Variants in PRMT8 observed in about 807,000 individuals in gnomAD.
PRMT8 encodes protein arginine N-methyltransferase 8.
In PRMT8, 7 loss-of-function variants were observed where a neutral mutation model predicts 47.1. The observed-to-expected ratio is 0.15, with a 90% CI of 0.08 to 0.28. PRMT8 has a LOEUF of 0.28. PRMT8 is among the 10% of genes least tolerant of loss of function. The probability of loss-of-function intolerance (pLI) is 1.00; values close to 1 mark genes in which losing one functional copy is unlikely to be tolerated. For synonymous variants in PRMT8, 188 were observed against 186.5 expected, an observed-to-expected ratio of 1.01 and a Z score of -0.07; for missense variants, 237 against 505.4, an observed-to-expected ratio of 0.47 and a Z score of 5.09.
intron 3 of PRMT8, 110 bp from the exon 4 acceptor site, chr12:3,553,541 G>T: frequency 1.1e-6 from 1 of 923,364 alleles, no homozygotes; most frequent in South Asian, 1.4e-5. Flanking sequence ...TGCAGCCGTG[G>T]GCAAGTCACC....
intron 1 of PRMT8, among the ~76,000 whole-genome samples, chr12:3,523,386 G>A (rs1865908983): frequency 1.3e-5 from 2 of 152,134 alleles, no homozygotes; most frequent in African/African-American, 4.8e-5. Flanking sequence ...TATGGATTAG[G>A]AATAAATATC....
intron 1 of PRMT8, among the ~76,000 whole-genome samples, chr12:3,458,445 T>C (rs10744615): frequency 0.67 from 102,098 of 151,964 alleles, 34,805 homozygotes; most frequent in Non-Finnish European, 0.74. Flanking sequence ...ACTCCCACCT[T>C]GACGAGAGGA....
chr12:3,555,355 C>G (rs1024787324), intron 4 of PRMT8, among the ~76,000 whole-genome samples: 4 of 152,094 alleles, frequency 2.6e-5, no homozygotes, highest in Non-Finnish European at 5.9e-5. Context: ...CAGAAAGGAG[C>G]CAGGCTGACA....
Position 3,540,613 on chromosome 12 carries a change from G to GCCCCCCCAACCCCCCCC in PRMT8, c.90_91insAACCCCCCCCCCCCCCC (p.Ser31AsnfsTer41). ...CCCTTCTCTTCCCCTCAGGTGAACA[G>GCCCCCCCAACCCCCCCC]CCCCCCCTCCCAGCCCCCCCAGCCC... On this transcript the variant is annotated frameshift_variant, in exon 2 of 10. Coordinates refer to ENST00000382622, the MANE Select transcript of PRMT8 (RefSeq NM_019854.5). LOFTEE classifies it high-confidence loss of function. The GCCCCCCCAACCCCCCCC allele has an allele frequency of 1.8e-6, 2 of 1,130,522 alleles. No individual in the cohort carries two copies. Among genetic ancestry groups the GCCCCCCCAACCCCCCCC allele is most frequent in the Non-Finnish European group, 2.7e-6 (2 of 752,492 alleles). The allele number at this position is 1,130,522 out of a possible 1,614,324, so 70.0% of individuals were successfully genotyped here.
chr12:3,477,390 G>C (rs1202515997), intron 1 of PRMT8, among the ~76,000 whole-genome samples: 2 of 152,226 alleles, frequency 1.3e-5, no homozygotes, highest in Non-Finnish European at 2.9e-5. Context: ...GAAACCAAGA[G>C]GTATAACCTG....
intron 1 of PRMT8, among the ~76,000 whole-genome samples, chr12:3,389,956 C>T (rs890602695): frequency 2.6e-5 from 4 of 152,276 alleles, no homozygotes; most frequent in African/African-American, 9.6e-5. Flanking sequence ...GCTGCATCCG[C>T]TGCAGGCCCT....
At chr12:3,386,999 C>T (rs1174049652) in intron 1 of PRMT8, among the ~76,000 whole-genome samples, 3 of 152,150 alleles carry the variant, frequency 2.0e-5, no homozygotes, top group Non-Finnish European at 4.4e-5. Flanking sequence ...TGAGCCACCA[C>T]GCCTGGCCTA....
At position 3,564,860 on chromosome 12, in the gene PRMT8, C is replaced by A. The variant is rs1043651567; in HGVS notation, c.482-3846C>A. 1.3e-5 allele frequency among the ~76,000 whole-genome samples: 2 copies of A among 152,246 alleles called. No individual in the cohort carries two copies. Among genetic ancestry groups the A allele is most frequent in the African/African-American group, 4.8e-5 (2 of 41,466 alleles). On this transcript the variant is annotated intron_variant, in intron 4 of 9. Transcript: ENST00000382622. This position sits in a 1 kb window ranked among gnomAD's most constrained non-coding sequence, Gnocchi z 4.0. ...TGTGTGCCCACACACTTCCTTGAGCCAGCCTAATGCCCTATGTTGGCCAAT... is the reference window on the plus strand; with the variant it reads ...TGTGTGCCCACACACTTCCTTGAGCAAGCCTAATGCCCTATGTTGGCCAAT...
chr12:3,404,259 A>G (rs1261739970), intron 1 of PRMT8, among the ~76,000 whole-genome samples: 1 of 152,194 alleles, frequency 6.6e-6, no homozygotes, highest in Non-Finnish European at 1.5e-5. Flanking sequence ...TATCATTTTT[A>G]TAATTTACAA....
intron 1 of PRMT8, among the ~76,000 whole-genome samples, chr12:3,481,277 T>C (rs1865271951): frequency 6.6e-6 from 1 of 152,188 alleles, no homozygotes; most frequent in African/African-American, 2.4e-5. Flanking sequence ...GATTGACCTT[T>C]ATGGGCACTT....
chr12:3,470,738 C>A (rs1865153514), intron 1 of PRMT8, among the ~76,000 whole-genome samples: 1 of 152,132 alleles, frequency 6.6e-6, no homozygotes, highest in Admixed American at 6.5e-5. Flanking sequence ...AGAACCGGGG[C>A]CTGCTTTCAA....
rs1282357412 is a variant in PRMT8, at chr12:3,456,954, G to T, written c.48+75512G>T. 6.6e-6 allele frequency among the ~76,000 whole-genome samples: 1 copy of T among 152,212 alleles called. No individual in the cohort carries two copies. On this transcript the variant is annotated intron_variant, in intron 1 of 9. Coordinates refer to the PRMT8 transcript ENST00000452611. The surrounding 1 kb of genome is among the most constrained non-coding windows in gnomAD (Gnocchi z 4.2). ...CCGTGTTAAGGGGGTGGGGGCTCTG[G>T]CCTCGCTGACCTCGCCTGCCATGGC... is the stretch of plus-strand genomic sequence containing the variant.
chr12:3,558,238 C>T (rs573389950), intron 4 of PRMT8, among the ~76,000 whole-genome samples: 6 of 152,176 alleles, frequency 3.9e-5, no homozygotes, highest in African/African-American at 1.4e-4. Flanking sequence ...CCCCTTCCTC[C>T]CCTTCCTCCC....
At position 3,569,049 on chromosome 12, in the gene PRMT8, G is replaced by T. The variant is rs1171654847; in HGVS notation, c.624+201G>T. Among the ~76,000 whole-genome samples, 2 of 152,238 alleles carry T rather than the reference G, an allele frequency of 1.3e-5. No homozygotes were observed. The highest frequency in any genetic ancestry group is 2.9e-5 in the Non-Finnish European group (2 of 67,952). ...GGGTCCAGCATGTGTAACCATCAGA[G>T]TGGACTTCCGTGGGTCTCACCGCAG... On this transcript the variant is annotated intron_variant, in intron 5 of 9. Transcript: ENST00000382622. The surrounding 1 kb of genome is among the most constrained non-coding windows in gnomAD (Gnocchi z 8.2).
chr12:3,563,344 G>A (rs549839969), intron 4 of PRMT8, among the ~76,000 whole-genome samples: 4 of 151,972 alleles, frequency 2.6e-5, no homozygotes, highest in South Asian at 4.2e-4. Flanking sequence ...GCAGACCCTC[G>A]AGTCCTATGT....
intron 1 of PRMT8, among the ~76,000 whole-genome samples, chr12:3,399,107 G>A (rs1217244963): frequency 6.6e-6 from 1 of 152,134 alleles, no homozygotes; most frequent in African/African-American, 2.4e-5. Flanking sequence ...AACTGAAAGG[G>A]CTCGTTGGCT....
chr12:3,459,603 A>C (rs73260034), intron 1 of PRMT8, among the ~76,000 whole-genome samples: 4,757 of 152,268 alleles, frequency 0.031, 216 homozygotes, highest in African/African-American at 0.11. Flanking sequence ...CAAATTTGGC[A>C]AAGAAAGGTG....
At chr12:3,419,533 C>T (rs751269582) in intron 1 of PRMT8, among the ~76,000 whole-genome samples, 1 of 152,192 alleles carries the variant, frequency 6.6e-6, no homozygotes, top group Non-Finnish European at 1.5e-5. Flanking sequence ...GACTTCTCCC[C>T]TTTGCCCCCT....
At chr12:3,484,127 G>C (rs1201060646) in intron 1 of PRMT8, among the ~76,000 whole-genome samples, 1 of 152,138 alleles carries the variant, frequency 6.6e-6, no homozygotes. Flanking sequence ...ATGGCAGGCT[G>C]ACTTCCCTTC....
Sources: allele counts gnomAD v4.1 joint callset (sites outside exome capture counted in the v4.1 genomes callset), GRCh38; gene constraint gnomAD v4.1.1; non-coding constraint Gnocchi (gnomAD v3.1); transcripts MANE v1.5; gene names NCBI Gene and HGNC (gene_info 2026-07-23, HGNC 2026-07-21).